Variants in PTPRG observed in about 807,000 individuals in gnomAD.
PTPRG encodes receptor-type tyrosine-protein phosphatase gamma.
PTPRG carries 102 observed loss-of-function variants against 165.3 expected under a neutral mutation model. The ratio of observed to expected loss-of-function variants is 0.62; its 90% CI spans 0.53 to 0.73. PTPRG has a LOEUF of 0.73. PTPRG is among the 30% of genes least tolerant of loss of function. The pLI, the probability that PTPRG is intolerant of heterozygous loss-of-function variation, is 0.00. For synonymous variants in PTPRG, 675 were observed against 669.5 expected (o/e 1.01, Z -0.13); for missense variants, 1,866 against 1,861.4 (o/e 1.00, Z -0.05).
intron 1 of PTPRG, among the ~76,000 whole-genome samples, chr3:61,666,189 T>C (rs1462228782): frequency 6.6e-6 from 1 of 152,228 alleles, no homozygotes; most frequent in Non-Finnish European, 1.5e-5. Context: ...GTTCCTCTTA[T>C]GCCGGCTGGT....
intron 2 of PTPRG, among the ~76,000 whole-genome samples, chr3:61,790,806 A>G (rs1442367467): frequency 2.0e-5 from 3 of 146,592 alleles, no homozygotes; most frequent in Non-Finnish European, 4.5e-5. Flanking sequence ...TTTGTGATTT[A>G]ATTATTTCAT....
intron 1 of PTPRG, among the ~76,000 whole-genome samples, chr3:61,584,044 T>C (rs899170007): frequency 6.6e-6 from 1 of 152,152 alleles, no homozygotes; most frequent in Non-Finnish European, 1.5e-5. Flanking sequence ...CTTTGTTTGG[T>C]TTTTCGAGTT....
chr3:62,146,683 A>G (rs984295708), intron 6 of PTPRG, among the ~76,000 whole-genome samples: 7 of 151,942 alleles, frequency 4.6e-5, no homozygotes, highest in Non-Finnish European at 7.4e-5. Context: ...GGGTTGGCAA[A>G]ATTTCTCTGT....
At chr3:62,055,328 A>G (rs1040499056) in intron 4 of PTPRG, among the ~76,000 whole-genome samples, 4 of 152,242 alleles carry the variant, frequency 2.6e-5, no homozygotes, top group African/African-American at 9.6e-5. Flanking sequence ...CATCACAGAA[A>G]TATCGCTAAT....
At chr3:61,710,489 A>G (rs2031496148) in intron 1 of PTPRG, among the ~76,000 whole-genome samples, 1 of 152,210 alleles carries the variant, frequency 6.6e-6, no homozygotes. Context: ...TTGACTAGTA[A>G]GTGGCCCCAG....
intron 1 of PTPRG, among the ~76,000 whole-genome samples, chr3:61,745,079 T>C (rs2033146576): frequency 9.3e-6 from 1 of 107,426 alleles, no homozygotes; most frequent in African/African-American, 3.5e-5. Context: ...TGAGACGGAG[T>C]CTTGCTCTGT....
In PTPRG at chr3:61,865,270, A is replaced by G. The variant is rs2037373645; in HGVS notation, c.190+116288A>G. On this transcript the variant is annotated intron_variant, in intron 2 of 29. Coordinates refer to ENST00000474889, the MANE Select transcript of PTPRG (RefSeq NM_002841.4). ...CCACCCATGCCAAACCCCCACAACA[A>G]TAGTGACAACAACAGCAGTAATAAT... Among the ~76,000 whole-genome samples, 6 of 152,168 alleles carry G rather than the reference A, an allele frequency of 3.9e-5. No homozygotes were observed. The South Asian group carries it at 6.2e-4, about 16-fold the overall frequency.
At chr3:61,880,639 A>G (rs1458162244) in intron 2 of PTPRG, among the ~76,000 whole-genome samples, 2 of 151,502 alleles carry the variant, frequency 1.3e-5, no homozygotes, top group Admixed American at 6.6e-5. Flanking sequence ...AAAAAAAAAA[A>G]AAAAAGAGAG....
intron 4 of PTPRG, among the ~76,000 whole-genome samples, chr3:62,003,713 G>C (rs2107723614): frequency 6.6e-6 from 1 of 152,262 alleles, no homozygotes; most frequent in African/African-American, 2.4e-5. Context: ...CAGGCATCAT[G>C]GTTTGAGTAG....
intron 2 of PTPRG, among the ~76,000 whole-genome samples, chr3:61,754,710 T>G (rs529079838): frequency 6.6e-6 from 1 of 152,324 alleles, no homozygotes; most frequent in East Asian, 1.9e-4. Flanking sequence ...TTGGATCCCT[T>G]TAAATAACAA....
chr3:61,641,509 T>C (rs189726548), intron 1 of PTPRG, among the ~76,000 whole-genome samples: 222 of 152,350 alleles, frequency 1.5e-3, no homozygotes, highest in Admixed American at 2.7e-3. Flanking sequence ...GCCACCCATT[T>C]TACTGATATG....
At chr3:61,756,563 T>A (rs537848239) in intron 2 of PTPRG, among the ~76,000 whole-genome samples, 20 of 152,220 alleles carry the variant, frequency 1.3e-4, no homozygotes, top group Non-Finnish European at 2.8e-4. Context: ...GTTCTTTTCT[T>A]ATTTTTTTTA....
At chr3:61,973,002 C>G (rs74395551) in intron 2 of PTPRG, among the ~76,000 whole-genome samples, 1 of 151,762 alleles carries the variant, frequency 6.6e-6, no homozygotes, top group Non-Finnish European at 1.5e-5. Context: ...CTGTGCTGTC[C>G]GGGAGGGAGT....
intron 2 of PTPRG, among the ~76,000 whole-genome samples, chr3:61,821,097 T>C (rs182225002): frequency 6.6e-6 from 1 of 152,228 alleles, no homozygotes; most frequent in African/African-American, 2.4e-5. Context: ...AGTTTAACTT[T>C]TTCAATAATA....
At chr3:61,981,258 T>A (rs570455212) in intron 2 of PTPRG, among the ~76,000 whole-genome samples, 2 of 152,288 alleles carry the variant, frequency 1.3e-5, no homozygotes, top group Admixed American at 6.5e-5. Context: ...ACCTAGTCGC[T>A]TCCATGACAC....
At chr3:61,992,504 C>T (rs1254241839) in intron 3 of PTPRG, among the ~76,000 whole-genome samples, 2 of 152,036 alleles carry the variant, frequency 1.3e-5, no homozygotes, top group African/African-American at 2.4e-5. Context: ...GGATTACAGA[C>T]AGCCACCTCC....
In PTPRG at chr3:61,743,628, T is replaced by C. The variant is rs188995327; in HGVS notation, c.86-5250T>C. ...GTGTCTTACATAACTGATATTCCAA[T>C]TTCTCGCTGTGCTATAACATGACTA... On this transcript the variant is annotated intron_variant, in intron 1 of 29. Coordinates refer to ENST00000474889, the MANE Select transcript of PTPRG (RefSeq NM_002841.4). Among the ~76,000 whole-genome samples, 5 of 152,304 alleles carry C rather than the reference T, an allele frequency of 3.3e-5. No homozygotes were observed. In the East Asian group the frequency reaches 9.6e-4, roughly 29 times the overall value.
intron 8 of PTPRG, among the ~76,000 whole-genome samples, chr3:62,184,051 C>G (rs1705770240): frequency 2.0e-5 from 3 of 152,354 alleles, no homozygotes; most frequent in Middle Eastern, 6.8e-3. Flanking sequence ...ATTCTCTTCT[C>G]ACTCTGGTTC....
intron 3 of PTPRG, among the ~76,000 whole-genome samples, chr3:62,002,711 A>G (rs1291592674): frequency 6.6e-6 from 1 of 152,236 alleles, no homozygotes; most frequent in Non-Finnish European, 1.5e-5. Context: ...TAAAAGAAAC[A>G]GTCAAGAAAA....
Sources: allele counts gnomAD v4.1 joint callset (sites outside exome capture counted in the v4.1 genomes callset), GRCh38; gene constraint gnomAD v4.1.1; transcripts MANE v1.5; gene names NCBI Gene and HGNC (gene_info 2026-07-23, HGNC 2026-07-21).